KIAA1549: variants seen among roughly 807,000 people sequenced by gnomAD.
The protein encoded by KIAA1549 is UPF0606 protein KIAA1549.
In KIAA1549, 70 loss-of-function variants were observed where a neutral mutation model predicts 156.4. The ratio of observed to expected loss-of-function variants is 0.45; its 90% CI spans 0.37 to 0.55. KIAA1549 has a LOEUF of 0.55. Ranked by LOEUF, KIAA1549 falls within the 20% of genes least tolerant of loss-of-function variation. KIAA1549 has a pLI of 0.00. For missense variants in KIAA1549, 2,428 were observed against 2,540.9 expected (o/e 0.96, Z 0.96); for synonymous variants, 1,103 against 1,066.4 (o/e 1.03, Z -0.67).
intron 12 of KIAA1549, among the ~76,000 whole-genome samples, chr7:138,876,154 A>C (rs958608750): frequency 1.3e-5 from 2 of 152,164 alleles, no homozygotes; most frequent in Admixed American, 1.3e-4. Flanking sequence ...CGGATGACTC[A>C]ATGACTACAG....
intron 1 of KIAA1549, among the ~76,000 whole-genome samples, chr7:138,947,831 C>T (rs1205694317): frequency 1.3e-5 from 2 of 151,954 alleles, no homozygotes; most frequent in Admixed American, 1.3e-4. Context: ...GGCACCATCT[C>T]GGCTCACTGC....
At position 138,869,741 on chromosome 7, in the gene KIAA1549, G is replaced by C; in HGVS notation, c.4572C>G (p.His1524Gln). ...INKEIQTALRHKSEIEHHRNK... is the reference protein window; with the variant it reads ...INKEIQTALRQKSEIEHHRNK... The stretch of plus-strand genomic sequence containing the variant: ...TGCGATGGTGCTCGATCTCAGACTT[G>C]TGCCGCAGCGCGGTCTGAATCTGAG... The change falls in exon 14 of 20, where the codon CAC becomes CAG. Residue 1524 changes from histidine to glutamine, a missense_variant. Physicochemically the swap from His to Gln is conservative, Grantham distance 24. This residue lies in a region of KIAA1549 where 404 missense variants were observed against 417.0 expected (regional missense o/e 0.97). Coordinates refer to ENST00000422774, the MANE Select transcript of KIAA1549 (RefSeq NM_001164665.2). 6.2e-7 allele frequency: 1 copy of C among 1,610,810 alleles called. No individual in the cohort carries two copies.
In KIAA1549 at chr7:138,916,597, G is replaced by A. The variant is rs996764795; in HGVS notation, c.2878+151C>T. 1.9e-4 allele frequency: 244 copies of A among 1,273,776 alleles called. No homozygotes were observed. Among genetic ancestry groups the A allele is most frequent in the Admixed American group, 2.8e-4 (10 of 35,514 alleles). The allele number at this position is 1,273,776 out of a possible 1,614,324, so 78.9% of individuals were successfully genotyped here. On this transcript the variant is annotated intron_variant, in intron 2 of 19. Transcript: ENST00000422774. ...GGATAAATAACTGTTCTGAGAACTC[G>A]CAGGAGGTAAGCATAGGAGTACTAC...
In KIAA1549 at chr7:138,832,158, T is replaced by G. The variant is rs886844625; in HGVS notation, c.*5748A>C. The G allele has an allele frequency of 1.5e-5, 3 of 206,850 alleles. No homozygotes were observed. Among genetic ancestry groups the G allele is most frequent in the African/African-American group, 7.0e-5 (3 of 42,824 alleles). The allele number at this position is 206,850 out of a possible 1,614,324, so 12.8% of individuals were successfully genotyped here. ...AGGGACTGCAAGAGACTCAAGTCAC[T>G]CAAAATTTCACCTCTGTCCCTTTTA... On this transcript the variant is annotated 3_prime_UTR_variant, in exon 20 of 20. Transcript: ENST00000422774.
In KIAA1549 at chr7:138,836,062, T is replaced by C. The variant is rs1424051245; in HGVS notation, c.*1844A>G. ...ATCCAGTGATTACACTTTGGAAACCTGTTTTAGCTGTTTCAGGGGTCTTAA... is the reference window on the plus strand; with the variant it reads ...ATCCAGTGATTACACTTTGGAAACCCGTTTTAGCTGTTTCAGGGGTCTTAA... On this transcript the variant is annotated 3_prime_UTR_variant, in exon 20 of 20. Transcript: ENST00000422774. 2 of 211,920 alleles carry C rather than the reference T, an allele frequency of 9.4e-6. No individual in the cohort carries two copies. The highest frequency in any genetic ancestry group is 7.1e-5 in the East Asian group (1 of 14,106). 13.1% of individuals were successfully genotyped at this position (211,920 alleles called of 1,614,324 possible). A position where few individuals can be genotyped will look rare whatever the true frequency, so the allele number is the denominator to read the frequency against.
rs1219126643 is a variant in KIAA1549, at chr7:138,834,363, G to A, written c.*3543C>T. On this transcript the variant is annotated 3_prime_UTR_variant, in exon 20 of 20. Transcript: ENST00000422774. ...GGGGTTTTGCCATGTTGCCTGGGCT[G>A]GTTTTAAGCTCTTGATCTCAAGTGA... is the stretch of plus-strand genomic sequence containing the variant. 5.2e-6 allele frequency: 1 copy of A among 190,764 alleles called. No individual in the cohort carries two copies. Among genetic ancestry groups the A allele is most frequent in the African/African-American group, 2.3e-5 (1 of 42,954 alleles). The allele number at this position is 190,764 out of a possible 1,614,324, so 11.8% of individuals were successfully genotyped here.
At chr7:138,885,951 G>T (rs973454897) in intron 10 of KIAA1549, among the ~76,000 whole-genome samples, 64 of 152,156 alleles carry the variant, frequency 4.2e-4, no homozygotes, top group Middle Eastern at 3.2e-3. Context: ...CTACCTCCCA[G>T]TGGACAGTGT....
In KIAA1549 at chr7:138,863,694, G is replaced by A. The variant is rs563993087; in HGVS notation, c.4930-2238C>T. The stretch of plus-strand genomic sequence containing the variant: ...CGCAACACAGAAACCACCAACTGCC[G>A]TGAAGCAGCGACTGCCCTCGTGGGA... On this transcript the variant is annotated intron_variant, in intron 15 of 19. Coordinates refer to ENST00000422774, the MANE Select transcript of KIAA1549 (RefSeq NM_001164665.2). 7.9e-5 allele frequency among the ~76,000 whole-genome samples: 12 copies of A among 152,266 alleles called. 1 individual carries two copies. The South Asian group carries it at 2.1e-3, about 26-fold the overall frequency.
At chr7:138,847,240 CT>C in intron 17 of KIAA1549, among the ~76,000 whole-genome samples, 1 of 152,324 alleles carries the variant, frequency 6.6e-6, no homozygotes, top group Middle Eastern at 3.4e-3. Context: ...CACCACAACA[CT>C]TCTGAGGGTA....
chr7:138,904,621 C>CA (rs768150554), intron 7 of KIAA1549, among the ~76,000 whole-genome samples: 2,771 of 45,640 alleles, frequency 0.061, 101 homozygotes, highest in African/African-American at 0.13. Context: ...TCCCCTAAGA[C>CA]AAAAAAAAAA....
At chr7:138,972,487 G>A (rs1344919278) in intron 1 of KIAA1549, among the ~76,000 whole-genome samples, 1 of 151,480 alleles carries the variant, frequency 6.6e-6, no homozygotes, top group Non-Finnish European at 1.5e-5. Context: ...CCTCTTGCCA[G>A]CTCCTTCAAT....
chr7:138,946,936 C>T (rs1002948991), intron 1 of KIAA1549, among the ~76,000 whole-genome samples: 1 of 152,152 alleles, frequency 6.6e-6, no homozygotes, highest in Non-Finnish European at 1.5e-5. Context: ...ACTGCATGGC[C>T]CAGGGAGAGA....
At chr7:138,919,494 C>T (rs763971617) in intron 1 of KIAA1549, 56 bp from the exon 2 acceptor site, 8 of 1,554,236 alleles carry the variant, frequency 5.1e-6, no homozygotes, top group Middle Eastern at 3.4e-4. Context: ...ACACAGCTAA[C>T]GTTTTGTTTC....
chr7:138,879,000 C>T (rs1811168308), intron 12 of KIAA1549, among the ~76,000 whole-genome samples: 1 of 152,050 alleles, frequency 6.6e-6, no homozygotes, highest in African/African-American at 2.4e-5. Flanking sequence ...ACAGTCATAC[C>T]CTTTAGAACA....
intron 9 of KIAA1549, among the ~76,000 whole-genome samples, chr7:138,898,478 A>G (rs558434551): frequency 1.3e-5 from 2 of 152,246 alleles, no homozygotes; most frequent in South Asian, 4.1e-4. Context: ...AACAGGACTG[A>G]AAAGGGGAAG....
At chr7:138,871,438 T>G (rs946619379) in intron 12 of KIAA1549, 76 bp from the exon 13 acceptor site, 98 of 1,309,318 alleles carry the variant, frequency 7.5e-5, no homozygotes, top group Non-Finnish European at 9.4e-5. Flanking sequence ...TTGTGAATTA[T>G]TCTTTAAAGA....
At chr7:138,957,606 T>C (rs983465016) in intron 1 of KIAA1549, among the ~76,000 whole-genome samples, 1 of 151,878 alleles carries the variant, frequency 6.6e-6, no homozygotes. Flanking sequence ...GCCTCCAGAG[T>C]AGATGGGACT....
intron 10 of KIAA1549, among the ~76,000 whole-genome samples, chr7:138,890,975 T>C (rs1811529100): frequency 6.6e-6 from 1 of 152,176 alleles, no homozygotes; most frequent in Non-Finnish European, 1.5e-5. Context: ...GCTCCCCCAC[T>C]GGGCCCGCCT....
chr7:138,947,186 C>T (rs1365087041), intron 1 of KIAA1549, among the ~76,000 whole-genome samples: 1 of 152,086 alleles, frequency 6.6e-6, no homozygotes. Context: ...GACCAGCTGA[C>T]CCAAGATGAA....
Sources: allele counts gnomAD v4.1 joint callset (sites outside exome capture counted in the v4.1 genomes callset), GRCh38; gene constraint gnomAD v4.1.1; regional missense constraint gnomAD v4.1.1; transcripts MANE v1.5; gene names NCBI Gene and HGNC (gene_info 2026-07-23, HGNC 2026-07-21).